Variants in CTNNA2 observed in about 807,000 individuals in gnomAD.
The protein encoded by CTNNA2 is catenin alpha-2.
Under a neutral mutation model 101.0 loss-of-function variants are expected in CTNNA2, and 42 were observed. That is an observed-to-expected ratio of 0.42 (90% CI 0.32 to 0.54). The LOEUF (loss-of-function observed/expected upper bound fraction) is 0.54, where lower values mean the gene tolerates loss of function less well. Ranked by LOEUF, CTNNA2 falls within the 20% of genes least tolerant of loss-of-function variation. CTNNA2 has a pLI of 0.14. For synonymous variants in CTNNA2, 450 were observed against 456.4 expected, an observed-to-expected ratio of 0.99 and a Z score of 0.18; for missense variants, 871 against 1,223.1, an observed-to-expected ratio of 0.71 and a Z score of 4.29.
intron 3 of CTNNA2, among the ~76,000 whole-genome samples, chr2:79,799,440 A>G (rs1056825518): frequency 1.3e-5 from 2 of 152,130 alleles, no homozygotes; most frequent in African/African-American, 4.8e-5. Context: ...TTTTCTGCAA[A>G]AACTCTCATT....
rs553472847 is a variant in CTNNA2 at position 79,463,225 on chromosome 2, A to G, written c.-134-41829A>G. 4.6e-5 allele frequency among the ~76,000 whole-genome samples: 7 copies of G among 152,218 alleles called. No individual in the cohort carries two copies. In the East Asian group the frequency reaches 1.4e-3, roughly 29 times the overall value. ...TCAGGAGATTGAAACCAGCTTGGCC[A>G]ACATGGTGAAACCCTGTCTCTAAAA... On this transcript the variant is annotated intron_variant, in intron 4 of 21. Transcript: ENST00000466387.
At chr2:79,742,280 C>T (rs13403726) in intron 2 of CTNNA2, among the ~76,000 whole-genome samples, 5,188 of 152,000 alleles carry the variant, frequency 0.034, 302 homozygotes, top group African/African-American at 0.12. Context: ...AGCTTCTACT[C>T]CTTTGAAATG....
At chr2:79,873,127 G>A (rs1682716699) in intron 5 of CTNNA2, among the ~76,000 whole-genome samples, 1 of 152,170 alleles carries the variant, frequency 6.6e-6, no homozygotes. Context: ...TGATAATTAA[G>A]GGACACTGAT....
intron 1 of CTNNA2, among the ~76,000 whole-genome samples, chr2:79,625,773 C>T (rs759694900): frequency 1.1e-4 from 17 of 152,180 alleles, no homozygotes; most frequent in Admixed American, 3.3e-4. Flanking sequence ...TGATACTTTG[C>T]CTTTGGTCCC....
chr2:79,535,375 T>C (rs896610231), intron 1 of CTNNA2, among the ~76,000 whole-genome samples: 6 of 152,108 alleles, frequency 3.9e-5, no homozygotes, highest in African/African-American at 1.4e-4. Context: ...CAGCTAATTT[T>C]TTGTATTTTT....
intron 1 of CTNNA2, among the ~76,000 whole-genome samples, chr2:79,517,860 G>A (rs879755296): frequency 8.6e-5 from 13 of 151,968 alleles, no homozygotes; most frequent in Admixed American, 5.2e-4. Flanking sequence ...CCTTATCTGC[G>A]TACACAACTA....
At chr2:79,882,319 G>C (rs997457349) in intron 6 of CTNNA2, among the ~76,000 whole-genome samples, 11 of 152,184 alleles carry the variant, frequency 7.2e-5, no homozygotes, top group African/African-American at 2.7e-4. Flanking sequence ...TCTTAGTGAT[G>C]TTTTCTAACA....
Position 79,796,414 on chromosome 2 carries a change from T to G in CTNNA2, c.298+51832T>G, listed in dbSNP as rs1041893226. ...CGTCTCAAAAAAAAAAAAAAAAAAG[T>G]GGCCTAAACTATGCCCAAGTTGGTG... is the stretch of plus-strand genomic sequence containing the variant. On this transcript the variant is annotated intron_variant, in intron 3 of 18. Coordinates refer to ENST00000402739, the MANE Select transcript of CTNNA2 (RefSeq NM_001282597.3). 3.6e-4 allele frequency among the ~76,000 whole-genome samples: 42 copies of G among 116,534 alleles called. 1 individual carries two copies. Among genetic ancestry groups the G allele is most frequent in the African/African-American group, 8.2e-4 (20 of 24,454 alleles). The allele number at this position is 116,534 out of a possible 152,430, so 76.5% of individuals were successfully genotyped here.
chr2:79,343,843 C>T (rs1677195141), intron 3 of CTNNA2, among the ~76,000 whole-genome samples: 1 of 151,994 alleles, frequency 6.6e-6, no homozygotes, highest in Non-Finnish European at 1.5e-5. Context: ...TACAAACTAA[C>T]CTGCTAATAA....
intron 3 of CTNNA2, among the ~76,000 whole-genome samples, chr2:79,373,016 G>A (rs969765272): frequency 6.6e-6 from 1 of 152,102 alleles, no homozygotes; most frequent in Non-Finnish European, 1.5e-5. Context: ...CCTAATAAAA[G>A]ATAATAAGGT....
chr2:80,274,444 G>A (rs1203335109), intron 7 of CTNNA2, among the ~76,000 whole-genome samples: 2 of 152,108 alleles, frequency 1.3e-5, no homozygotes, highest in Admixed American at 6.6e-5. Context: ...TGGGCTGTGG[G>A]GATCATATAC....
intron 6 of CTNNA2, among the ~76,000 whole-genome samples, chr2:79,896,679 G>C (rs977318063): frequency 2.6e-5 from 4 of 152,180 alleles, no homozygotes; most frequent in African/African-American, 9.7e-5. Context: ...GCGCACTGCT[G>C]CCAGTGCATG....
At chr2:79,832,286 A>T (rs2105432068) in intron 3 of CTNNA2, among the ~76,000 whole-genome samples, 1 of 152,290 alleles carries the variant, frequency 6.6e-6, no homozygotes, top group East Asian at 1.9e-4. Flanking sequence ...ATACGTGATT[A>T]ATTTCCTATG....
At chr2:79,871,921 C>T (rs1167244023) in intron 5 of CTNNA2, among the ~76,000 whole-genome samples, 1 of 152,120 alleles carries the variant, frequency 6.6e-6, no homozygotes, top group Non-Finnish European at 1.5e-5. Flanking sequence ...TTTATTTTTA[C>T]TTCATTAATA....
intron 8 of CTNNA2, among the ~76,000 whole-genome samples, chr2:80,407,790 A>T (rs1227626901): frequency 6.6e-6 from 1 of 152,160 alleles, no homozygotes; most frequent in Non-Finnish European, 1.5e-5. Context: ...GAAATGAAGT[A>T]CCTCTAGGGA....
intron 3 of CTNNA2, among the ~76,000 whole-genome samples, chr2:79,360,899 T>G (rs1159249543): frequency 2.6e-5 from 4 of 152,148 alleles, no homozygotes; most frequent in Non-Finnish European, 5.9e-5. Context: ...GCAGTCATGC[T>G]TTGAAGATCA....
chr2:79,631,508 A>G (rs1432871581), intron 1 of CTNNA2, among the ~76,000 whole-genome samples: 2 of 152,148 alleles, frequency 1.3e-5, no homozygotes, highest in South Asian at 4.1e-4. Context: ...TCATTGTCAT[A>G]TGTATATGTA....
chr2:80,286,169 T>C (rs1674751996), intron 7 of CTNNA2, among the ~76,000 whole-genome samples: 1 of 152,174 alleles, frequency 6.6e-6, no homozygotes, highest in Non-Finnish European at 1.5e-5. Flanking sequence ...ATGCCGTGTT[T>C]GGTTATTGAA....
chr2:79,307,871 C>T (rs896358939), intron 2 of CTNNA2, among the ~76,000 whole-genome samples: 1 of 152,126 alleles, frequency 6.6e-6, no homozygotes, highest in African/African-American at 2.4e-5. Flanking sequence ...ATAACCTCAC[C>T]AACATTTGTT....
Sources: allele counts gnomAD v4.1 joint callset (sites outside exome capture counted in the v4.1 genomes callset), GRCh38; gene constraint gnomAD v4.1.1; transcripts MANE v1.5; gene names NCBI Gene and HGNC (gene_info 2026-07-23, HGNC 2026-07-21).